The following MAP3K13 variants were observed in gnomAD, a reference collection of about 807,000 sequenced individuals.
MAP3K13 encodes mitogen-activated protein kinase kinase kinase 13.
In MAP3K13, 52 loss-of-function variants were observed where a neutral mutation model predicts 104.0. That is an observed-to-expected ratio of 0.50 (90% CI 0.40 to 0.63). The LOEUF (loss-of-function observed/expected upper bound fraction) is 0.63. Among genes scored for constraint, MAP3K13 ranks in the 20% least tolerant of loss-of-function variants. The pLI is 0.00. For synonymous variants in MAP3K13, 394 were observed against 442.2 expected (o/e 0.89, Z 1.37); for missense variants, 914 against 1,218.5 (o/e 0.75, Z 3.72).
Position 185,484,390 on chromosome 3 carries a change from ATT to A in MAP3K13, c.*1935_*1936del. 1 of 152,170 alleles carries A rather than the reference ATT, an allele frequency of 6.6e-6. No homozygotes were observed. The highest frequency in any genetic ancestry group is 2.4e-5 in the African/African-American group (1 of 41,432). 9.4% of individuals were successfully genotyped at this position (152,170 alleles called of 1,614,324 possible). A position where few individuals can be genotyped will look rare whatever the true frequency, so the allele number is the denominator to read the frequency against. On this transcript the variant is annotated 3_prime_UTR_variant, in exon 14 of 14. Transcript: ENST00000265026. Reference sequence around the variant, plus strand: ...GTACCTGTCCCTGTCTCCAAGACAGATTACCGTCAAACAACCTCTCTAGATTC... The same window carrying A: ...GTACCTGTCCCTGTCTCCAAGACAGAACCGTCAAACAACCTCTCTAGATTC...
intron 2 of MAP3K13, among the ~76,000 whole-genome samples, chr3:185,357,373 G>A (rs983737274): frequency 2.7e-5 from 4 of 149,702 alleles, no homozygotes; most frequent in African/African-American, 4.9e-5. Context: ...GCTTGAACCC[G>A]GGAGGCGGAG....
At chr3:185,374,372 G>A (rs1163703521) in intron 1 of MAP3K13, among the ~76,000 whole-genome samples, 7 of 152,098 alleles carry the variant, frequency 4.6e-5, no homozygotes, top group South Asian at 2.1e-4. Context: ...GATTAGGGGC[G>A]GCGTGGGAAC....
chr3:185,360,760 C>T (rs1723570857), upstream of MAP3K13, among the ~76,000 whole-genome samples: 1 of 148,166 alleles, frequency 6.7e-6, no homozygotes, highest in Non-Finnish European at 1.5e-5. Context: ...CCATAGTGGA[C>T]TTATTAGTAA....
rs142231158 is a variant in MAP3K13, at chr3:185,432,584, G to T, written c.475+3528G>T. Among the ~76,000 whole-genome samples the T allele has an allele frequency of 3.8e-3, 579 of 152,020 alleles. 4 individuals are homozygous for T. The highest frequency in any genetic ancestry group is 0.013 in the African/African-American group (547 of 41,466). The stretch of plus-strand genomic sequence containing the variant: ...TGATCGAGTACATTTGGTTTTTAGG[G>T]TCTCTGCTTGTCCAGTCTTAGACTT... On this transcript the variant is annotated intron_variant, in intron 2 of 13. Coordinates refer to ENST00000265026, the MANE Select transcript of MAP3K13 (RefSeq NM_004721.5).
intron 1 of MAP3K13, among the ~76,000 whole-genome samples, chr3:185,425,510 C>A (rs906237201): frequency 2.0e-5 from 3 of 152,150 alleles, no homozygotes; most frequent in Non-Finnish European, 4.4e-5. Flanking sequence ...CAAGTCATTT[C>A]TTTTTGAACT....
chr3:185,331,393 C>CCTTTT (rs544999747), intron 2 of MAP3K13, among the ~76,000 whole-genome samples: 4 of 151,954 alleles, frequency 2.6e-5, no homozygotes, highest in South Asian at 4.2e-4. Flanking sequence ...CTGCGCCTGG[C>CCTTTT]CTTTTCTTTT....
chr3:185,379,584 C>T (rs916204091), intron 1 of MAP3K13, among the ~76,000 whole-genome samples: 6 of 152,066 alleles, frequency 3.9e-5, no homozygotes, highest in African/African-American at 7.2e-5. Flanking sequence ...CCCACTGACC[C>T]GGGTCTTTGG....
At chr3:185,394,567 A>G (rs139746727) in intron 1 of MAP3K13, among the ~76,000 whole-genome samples, 1 of 152,240 alleles carries the variant, frequency 6.6e-6, no homozygotes, top group Admixed American at 6.5e-5. Context: ...TCATATAGCT[A>G]CATAACTATT....
chr3:185,313,199 A>AG (rs1314188474), intron 2 of MAP3K13, among the ~76,000 whole-genome samples: 13 of 148,976 alleles, frequency 8.7e-5, no homozygotes, highest in South Asian at 2.1e-4. Context: ...AAAAAAAAAA[A>AG]GGGGAAAATG....
intron 2 of MAP3K13, among the ~76,000 whole-genome samples, chr3:185,322,097 A>G (rs966259834): frequency 2.8e-4 from 43 of 152,174 alleles, no homozygotes; most frequent in Non-Finnish European, 6.0e-4. Context: ...CTCATGTAAA[A>G]TTTGCATTTT....
intron 1 of MAP3K13, among the ~76,000 whole-genome samples, chr3:185,373,045 T>A (rs952608337): frequency 6.6e-6 from 1 of 152,184 alleles, no homozygotes; most frequent in East Asian, 1.9e-4. Flanking sequence ...AGTTATGGAC[T>A]TGAATTGGCT....
At chr3:185,444,866 C>T (rs1992453) in intron 4 of MAP3K13, among the ~76,000 whole-genome samples, 90,177 of 151,608 alleles carry the variant, frequency 0.59, 28,029 homozygotes, top group Middle Eastern at 0.71. Context: ...GCCTATAGTT[C>T]AAGCTACTCA....
chr3:185,388,331 G>A (rs536601483), intron 1 of MAP3K13, among the ~76,000 whole-genome samples: 2 of 151,894 alleles, frequency 1.3e-5, no homozygotes, highest in African/African-American at 2.4e-5. Context: ...GCAAAATTTT[G>A]TCTCTACAAA....
chr3:185,300,793 A>G (rs1156887978), intron 2 of MAP3K13, among the ~76,000 whole-genome samples: 1 of 152,152 alleles, frequency 6.6e-6, no homozygotes, highest in South Asian at 2.1e-4. Flanking sequence ...CGCCTGGCCT[A>G]CCTTCTTTTT....
intron 1 of MAP3K13, chr3:185,417,564 C>G: frequency 6.2e-7 from 1 of 1,611,046 alleles, no homozygotes; most frequent in Non-Finnish European, 8.5e-7. Flanking sequence ...GGGCTGGTTT[C>G]TTGGTAGCTG....
In MAP3K13 at chr3:185,419,956, A is replaced by C. The variant is rs78058716; in HGVS notation, c.-85-8541A>C. On this transcript the variant is annotated intron_variant, in intron 1 of 13. Transcript: ENST00000265026. ...CTACAATAAACTTATTTTAACTGTA[A>C]TCACAGTTGCATTTATAGGTACTGG... Among the ~76,000 whole-genome samples, 607 of 152,302 alleles carry C rather than the reference A, an allele frequency of 4.0e-3. 4 individuals carry two copies. The highest frequency in any genetic ancestry group is 0.014 in the African/African-American group (575 of 41,556).
intron 7 of MAP3K13, among the ~76,000 whole-genome samples, chr3:185,455,884 T>TATGAGATATAGATGAGATATATATGA (rs1553809046): frequency 8.0e-6 from 1 of 124,982 alleles, no homozygotes; most frequent in African/African-American, 3.2e-5. Flanking sequence ...ATGAGATATA[T>TATGAGATATAGATGAGATATATATGA]GATATAGATG....
chr3:185,421,481 A>G (rs1171986408), intron 1 of MAP3K13, among the ~76,000 whole-genome samples: 4 of 152,132 alleles, frequency 2.6e-5, no homozygotes, highest in African/African-American at 7.2e-5. Flanking sequence ...TACAGGCATG[A>G]GCCACCGCAC....
At chr3:185,325,690 T>G (rs1000269695) in intron 2 of MAP3K13, among the ~76,000 whole-genome samples, 2 of 152,206 alleles carry the variant, frequency 1.3e-5, no homozygotes. Context: ...AGGACCAGCT[T>G]CCTGTCAGGT....
Sources: allele counts gnomAD v4.1 joint callset (sites outside exome capture counted in the v4.1 genomes callset), GRCh38; gene constraint gnomAD v4.1.1; transcripts MANE v1.5; gene names NCBI Gene and HGNC (gene_info 2026-07-23, HGNC 2026-07-21).